CSPP1: variants seen among roughly 807,000 people sequenced by gnomAD.
CSPP1 encodes the protein centrosome and spindle pole associated protein 1.
CSPP1 carries 126 observed loss-of-function variants against 164.4 expected under a neutral mutation model. The ratio of observed to expected loss-of-function variants is 0.77; its 90% confidence interval spans 0.66 to 0.89. The LOEUF is 0.89. Among genes scored for constraint, CSPP1 ranks in the 40% least tolerant of loss-of-function variants. The pLI is 0.00. For synonymous variants in CSPP1, 472 were observed against 476.7 expected, an observed-to-expected ratio of 0.99 and a Z score of 0.13; for missense variants, 1,395 against 1,449.8, an observed-to-expected ratio of 0.96 and a Z score of 0.61.
At chr8:67,183,306 G>A (rs953907243) in intron 28 of CSPP1, among the ~76,000 whole-genome samples, 3 of 152,202 alleles carry the variant, frequency 2.0e-5, no homozygotes, top group African/African-American at 4.8e-5. Context: ...GGATATAATG[G>A]ATGTCGAAAG....
At chr8:67,182,364 A>C (rs901069036) in intron 28 of CSPP1, among the ~76,000 whole-genome samples, 1 of 151,442 alleles carries the variant, frequency 6.6e-6, no homozygotes, top group African/African-American at 2.4e-5. Flanking sequence ...TGTGTGTACC[A>C]CGTTTTGTTT....
chr8:67,154,258 T>C, intron 19 of CSPP1, 122 bp downstream of exon 19: 2 of 592,120 alleles, frequency 3.4e-6, no homozygotes, highest in Non-Finnish European at 6.0e-6. Flanking sequence ...AAATATCTAA[T>C]TTATATCAGA....
intron 27 of CSPP1, 89 bp from the exon 28 acceptor site, chr8:67,179,774 T>C: frequency 1.2e-6 from 1 of 815,438 alleles, no homozygotes; most frequent in Non-Finnish European, 2.1e-6. Context: ...GGGAGAACAG[T>C]GTGGAAACTT....
At chr8:67,076,654 C>A in intron 3 of CSPP1, 73 bp downstream of exon 3, 1 of 818,670 alleles carries the variant, frequency 1.2e-6, no homozygotes, top group South Asian at 1.8e-5. Context: ...TTTGTCTTGT[C>A]AGAAAAAAAG....
At chr8:67,184,659 G>A (rs929918450) in intron 28 of CSPP1, among the ~76,000 whole-genome samples, 2 of 151,768 alleles carry the variant, frequency 1.3e-5, no homozygotes, top group Non-Finnish European at 2.9e-5. Flanking sequence ...AGGAGGTGGA[G>A]GTTACAGTGA....
chr8:67,116,170 A>G (rs770439254), intron 13 of CSPP1, 48 bp downstream of exon 13: 8 of 1,334,114 alleles, frequency 6.0e-6, no homozygotes, highest in East Asian at 2.3e-5. Context: ...AGGTATTGCT[A>G]TATTTTATGT....
intron 29 of CSPP1, among the ~76,000 whole-genome samples, chr8:67,193,054 T>C (rs1836843457): frequency 6.6e-6 from 1 of 152,244 alleles, no homozygotes; most frequent in Admixed American, 6.5e-5. Context: ...ACGTGCTCTA[T>C]ATTTTCATGT....
chr8:67,179,751 T>C, intron 27 of CSPP1, 112 bp from the exon 28 acceptor site: 1 of 699,262 alleles, frequency 1.4e-6, no homozygotes, highest in Non-Finnish European at 2.5e-6. Context: ...CCTCTACCCA[T>C]CCTCTGCTTT....
intron 24 of CSPP1, among the ~76,000 whole-genome samples, chr8:67,167,381 T>A (rs1185983770): frequency 6.9e-6 from 1 of 144,032 alleles, no homozygotes; most frequent in African/African-American, 2.6e-5. Flanking sequence ...ACGGGGCAGC[T>A]GGCCGGGCGG....
chr8:67,187,761 G>A (rs1835081788), intron 28 of CSPP1, among the ~76,000 whole-genome samples: 1 of 152,130 alleles, frequency 6.6e-6, no homozygotes, highest in Admixed American at 6.6e-5. Context: ...ACTGACAAAG[G>A]ACCAAAGGCA....
chr8:67,186,970 CATCT>C (rs59504632), intron 28 of CSPP1, among the ~76,000 whole-genome samples: 37,777 of 149,710 alleles, frequency 0.25, 4,722 homozygotes, highest in Middle Eastern at 0.32. Flanking sequence ...ATCTATCTAT[CATCT>C]ATCTATCTAT....
At chr8:67,195,274 C>T (rs2129576578) in intron 30 of CSPP1, 108 bp from the exon 31 acceptor site, 2 of 769,426 alleles carry the variant, frequency 2.6e-6, no homozygotes, top group Non-Finnish European at 4.7e-6. Context: ...GGATATGAGA[C>T]TGTGGGGAAA....
At chr8:67,091,416 A>C (rs1332341249) in intron 4 of CSPP1, among the ~76,000 whole-genome samples, 2 of 152,252 alleles carry the variant, frequency 1.3e-5, no homozygotes, top group African/African-American at 4.8e-5. Context: ...GCATGCATTA[A>C]GATATTTGTG....
intron 26 of CSPP1, 119 bp downstream of exon 26, chr8:67,175,555 T>G (rs1384925684): frequency 1.7e-6 from 2 of 1,200,732 alleles, no homozygotes; most frequent in Admixed American, 1.9e-5. Context: ...AGCCCCATGC[T>G]CACAGGGTCC....
rs557870477 is a variant in CSPP1 at position 67,137,052 on chromosome 8, G to T, written c.1828-404G>T. Among the ~76,000 whole-genome samples, 19 of 152,082 alleles carry T rather than the reference G, an allele frequency of 1.2e-4. 1 individual carries two copies. Among genetic ancestry groups the T allele is most frequent in the African/African-American group, 4.1e-4 (17 of 41,482 alleles). On this transcript the variant is annotated intron_variant, in intron 16 of 30. Coordinates refer to ENST00000678616, the MANE Select transcript of CSPP1 (RefSeq NM_001382391.1). ...GCTGAAGTACAGTGGCATGATCTTG[G>T]CTGACTACAAACTCCACCTCCTGGG...
At chr8:67,093,844 A>C (rs1239972958) in intron 6 of CSPP1, among the ~76,000 whole-genome samples, 3 of 152,104 alleles carry the variant, frequency 2.0e-5, no homozygotes, top group Non-Finnish European at 4.4e-5. Flanking sequence ...TTTAACATTT[A>C]ATTGGGGAGA....
Position 67,095,529 on chromosome 8 carries a change from C to T in CSPP1, c.720C>T (p.Gly240=). ...RIIKKANEEV[G]ISNLKHQRFA... is the part of the protein sequence containing the mutation. Reference sequence around the variant, plus strand: ...TTAAAAAAGCAAATGAAGAAGTGGGCATTTCCAACCTAAAACATCAAAGGT... The same window carrying T: ...TTAAAAAAGCAAATGAAGAAGTGGGTATTTCCAACCTAAAACATCAAAGGT... Residue 240 remains glycine, a synonymous_variant, in exon 7 of 31, where the codon GGC becomes GGT. Coordinates refer to ENST00000678616, the MANE Select transcript of CSPP1 (RefSeq NM_001382391.1). 1 of 1,613,424 alleles carries T rather than the reference C, an allele frequency of 6.2e-7. No individual in the cohort carries two copies. Among genetic ancestry groups the T allele is most frequent in the South Asian group, 1.1e-5 (1 of 91,060 alleles).
chr8:67,153,929 T>TA (rs376221158), intron 18 of CSPP1, 95 bp from the exon 19 acceptor site: 1,997 of 531,462 alleles, frequency 3.8e-3, no homozygotes, highest in East Asian at 6.1e-3. Context: ...TTTTTTTTTT[T>TA]AAAAATGAAT....
chr8:67,188,484 G>T (rs868174281), intron 28 of CSPP1, among the ~76,000 whole-genome samples: 1 of 152,202 alleles, frequency 6.6e-6, no homozygotes, highest in Non-Finnish European at 1.5e-5. Flanking sequence ...GAGAGCACAG[G>T]GGGAGGGACA....
Sources: allele counts gnomAD v4.1 joint callset (sites outside exome capture counted in the v4.1 genomes callset), GRCh38; gene constraint gnomAD v4.1.1; transcripts MANE v1.5; gene names NCBI Gene and HGNC (gene_info 2026-07-23, HGNC 2026-07-21).